EPHA6: variants seen among roughly 807,000 people sequenced by gnomAD.
EPHA6 encodes the protein EPH receptor A6, also known as ephrin type-A receptor 6.
A neutral mutation model predicts 112.0 loss-of-function variants in EPHA6; 50 were observed. The ratio of observed to expected loss-of-function variants is 0.45; its 90% confidence interval spans 0.36 to 0.56. The LOEUF (loss-of-function observed/expected upper bound fraction) is 0.56. Among genes scored for constraint, EPHA6 ranks in the 20% least tolerant of loss-of-function variants. The pLI is 0.00. For synonymous variants in EPHA6, 529 were observed against 490.7 expected (o/e 1.08, Z -1.03); for missense variants, 1,280 against 1,417.4 (o/e 0.90, Z 1.56).
At chr3:97,134,280 T>C (rs981136258) in intron 3 of EPHA6, among the ~76,000 whole-genome samples, 3 of 152,142 alleles carry the variant, frequency 2.0e-5, no homozygotes, top group African/African-American at 7.2e-5. Context: ...TTTAGTATAA[T>C]TGTTTTTGAA....
chr3:96,918,165 A>G (rs1028009828), intron 2 of EPHA6, among the ~76,000 whole-genome samples: 1 of 152,166 alleles, frequency 6.6e-6, no homozygotes, highest in African/African-American at 2.4e-5. Context: ...ATTGGAACAC[A>G]AAAAAGGATT....
intron 3 of EPHA6, among the ~76,000 whole-genome samples, chr3:97,204,024 T>A (rs905420385): frequency 6.6e-6 from 1 of 152,042 alleles, no homozygotes; most frequent in Non-Finnish European, 1.5e-5. Context: ...GGCTGAAAGA[T>A]GCATGATGAA....
chr3:97,648,425 G>T, intron 14 of EPHA6: 1 of 1,471,000 alleles, frequency 6.8e-7, no homozygotes, highest in Non-Finnish European at 9.0e-7. Flanking sequence ...AGCATGAGGG[G>T]AAGGTATTTA....
chr3:97,125,413 C>T (rs1437411622), intron 3 of EPHA6, among the ~76,000 whole-genome samples: 2 of 152,080 alleles, frequency 1.3e-5, no homozygotes, highest in African/African-American at 4.8e-5. Flanking sequence ...ATTCTACTAC[C>T]ATATGAATAG....
At chr3:96,855,899 G>T (rs966526404) in intron 1 of EPHA6, among the ~76,000 whole-genome samples, 3 of 152,062 alleles carry the variant, frequency 2.0e-5, no homozygotes, top group African/African-American at 4.8e-5. Context: ...AATTAGAACT[G>T]CAGTATATTT....
At chr3:97,310,367 C>A (rs1251648571) in intron 5 of EPHA6, among the ~76,000 whole-genome samples, 1 of 151,414 alleles carries the variant, frequency 6.6e-6, no homozygotes, top group Non-Finnish European at 1.5e-5. Context: ...CCACTGAGAA[C>A]CACTAAAATA....
chr3:97,094,510 T>G (rs2047178269), intron 3 of EPHA6, among the ~76,000 whole-genome samples: 2 of 152,176 alleles, frequency 1.3e-5, no homozygotes, highest in South Asian at 4.1e-4. Flanking sequence ...GATTGTGTTG[T>G]TGCATTAGTT....
intron 10 of EPHA6, 55 bp downstream of exon 10, chr3:97,484,114 G>T: frequency 6.6e-7 from 1 of 1,517,020 alleles, no homozygotes; most frequent in South Asian, 1.4e-5. Flanking sequence ...CTTTGTAACT[G>T]GTTTATCAAC....
intron 10 of EPHA6, among the ~76,000 whole-genome samples, chr3:97,519,638 T>C (rs1051882557): frequency 1.3e-5 from 2 of 152,212 alleles, no homozygotes; most frequent in African/African-American, 2.4e-5. Flanking sequence ...TTTGTTTTTG[T>C]CTTCCTAAAT....
intron 5 of EPHA6, among the ~76,000 whole-genome samples, chr3:97,318,870 T>C (rs535445336): frequency 8.2e-4 from 124 of 152,098 alleles, no homozygotes; most frequent in African/African-American, 2.9e-3. Flanking sequence ...CAAGTGAACA[T>C]TTATTGAGAT....
intron 3 of EPHA6, among the ~76,000 whole-genome samples, chr3:97,044,462 A>G (rs1178885629): frequency 6.6e-6 from 1 of 152,188 alleles, no homozygotes; most frequent in Non-Finnish European, 1.5e-5. Flanking sequence ...AGTTAGAATT[A>G]TCCTACAACT....
At chr3:97,010,114 CG>C in intron 3 of EPHA6, 1 of 1,259,146 alleles carries the variant, frequency 7.9e-7, no homozygotes, top group Non-Finnish European at 1.0e-6. Flanking sequence ...AAATATTAAA[CG>C]GTTACATTTA....
At chr3:97,253,489 G>A (rs1308514739) in intron 5 of EPHA6, among the ~76,000 whole-genome samples, 2 of 152,072 alleles carry the variant, frequency 1.3e-5, no homozygotes, top group African/African-American at 4.8e-5. Context: ...TTCAACATGT[G>A]TTCTAAAATA....
chr3:97,547,000 A>C (rs867104683), intron 11 of EPHA6, among the ~76,000 whole-genome samples: 9 of 151,946 alleles, frequency 5.9e-5, no homozygotes, highest in Non-Finnish European at 1.2e-4. Context: ...CTTCTTTGCC[A>C]TTGGTTCGAA....
At chr3:97,521,697 C>G (rs554249145) in intron 10 of EPHA6, among the ~76,000 whole-genome samples, 18 of 152,210 alleles carry the variant, frequency 1.2e-4, no homozygotes, top group African/African-American at 4.3e-4. Flanking sequence ...GGGGACATAG[C>G]AAACCAGATG....
intron 5 of EPHA6, among the ~76,000 whole-genome samples, chr3:97,280,973 T>G (rs1395041880): frequency 3.3e-5 from 5 of 152,204 alleles, no homozygotes; most frequent in Non-Finnish European, 7.3e-5. Flanking sequence ...ATAGTGAAGT[T>G]TTATCTTTTA....
intron 5 of EPHA6, among the ~76,000 whole-genome samples, chr3:97,300,032 G>A (rs922835039): frequency 3.3e-5 from 5 of 152,118 alleles, no homozygotes; most frequent in African/African-American, 1.2e-4. Context: ...TACTCTGAAT[G>A]TTCAAAGGAA....
intron 5 of EPHA6, among the ~76,000 whole-genome samples, chr3:97,363,956 A>G (rs2084559899): frequency 6.6e-6 from 1 of 152,088 alleles, no homozygotes; most frequent in Non-Finnish European, 1.5e-5. Flanking sequence ...AGAATAGTCA[A>G]ATTCATAAAG....
chr3:97,185,103 A>AT (rs200161503), intron 3 of EPHA6, among the ~76,000 whole-genome samples: 8,747 of 152,256 alleles, frequency 0.057, 640 homozygotes, highest in Admixed American at 0.2. Context: ...ACCTAAAGCC[A>AT]TAAAAACCCT....
Sources: gnomAD v4.1 joint callset for allele counts (sites outside exome capture counted in the v4.1 genomes callset) on GRCh38, gnomAD v4.1.1 for gene constraint, MANE v1.5 for transcripts, NCBI Gene and HGNC (gene_info 2026-07-23, HGNC 2026-07-21) for gene names.